TSPAN18: variants seen among roughly 807,000 people sequenced by gnomAD.
TSPAN18 encodes tetraspanin-18.
A neutral mutation model predicts 27.3 loss-of-function variants in TSPAN18; 14 were observed. That is an observed-to-expected ratio of 0.51 (90% CI 0.34 to 0.80). The LOEUF is 0.80. Ranked by LOEUF, TSPAN18 falls within the 30% of genes least tolerant of loss-of-function variation. The pLI is 0.01. For missense variants in TSPAN18, 268 were observed against 323.9 expected, an observed-to-expected ratio of 0.83 and a Z score of 1.32; for synonymous variants, 143 against 136.5, an observed-to-expected ratio of 1.05 and a Z score of -0.33.
intron 2 of TSPAN18, among the ~76,000 whole-genome samples, chr11:44,780,678 G>A (rs1325349238): frequency 1.3e-5 from 2 of 152,202 alleles, no homozygotes; most frequent in African/African-American, 4.8e-5. Flanking sequence ...AATCCAGTCT[G>A]TGTCTGGAAT....
intron 3 of TSPAN18, among the ~76,000 whole-genome samples, chr11:44,891,736 G>A (rs897120916): frequency 3.3e-5 from 5 of 152,192 alleles, no homozygotes; most frequent in Non-Finnish European, 7.4e-5. Context: ...AGCAGCCAGA[G>A]CAGGGCTATC....
chr11:44,811,947 G>A (rs568900025), intron 2 of TSPAN18, among the ~76,000 whole-genome samples: 1 of 152,328 alleles, frequency 6.6e-6, no homozygotes, highest in East Asian at 1.9e-4. Context: ...CATTCCCCGG[G>A]ATGACAGCTG....
intron 3 of TSPAN18, among the ~76,000 whole-genome samples, chr11:44,866,859 A>G (rs1397100910): frequency 6.6e-6 from 1 of 152,238 alleles, no homozygotes. Flanking sequence ...ATAGGACCCA[A>G]AGACTTGGCC....
intron 3 of TSPAN18, chr11:44,886,365 G>A (rs534165347): frequency 5.9e-5 from 9 of 152,344 alleles, no homozygotes; most frequent in African/African-American, 1.9e-4. Context: ...AAGGAGCTGT[G>A]AAATCAGCAG....
chr11:44,798,319 C>A (rs1354180147), intron 2 of TSPAN18, among the ~76,000 whole-genome samples: 1 of 152,242 alleles, frequency 6.6e-6, no homozygotes, highest in African/African-American at 2.4e-5. Context: ...AGGCTCACAG[C>A]AGCCCTGTGA....
chr11:44,887,472 TG>T (rs1458900246), intron 3 of TSPAN18, among the ~76,000 whole-genome samples: 1 of 152,184 alleles, frequency 6.6e-6, no homozygotes, highest in Admixed American at 6.5e-5. Flanking sequence ...AGCTGTCAAC[TG>T]GGAATAATAA....
chr11:44,762,987 A>G (rs531285620), intron 1 of TSPAN18, among the ~76,000 whole-genome samples: 12 of 152,276 alleles, frequency 7.9e-5, no homozygotes, highest in African/African-American at 2.2e-4. Context: ...TGGCACTAGC[A>G]CCGGGCTTGA....
intron 8 of TSPAN18, among the ~76,000 whole-genome samples, chr11:44,923,717 C>T (rs1408630224): frequency 6.6e-6 from 1 of 152,168 alleles, no homozygotes; most frequent in African/African-American, 2.4e-5. Flanking sequence ...AAGACCCCTC[C>T]TCCCCGAGGG....
At chr11:44,906,372 C>T in intron 3 of TSPAN18, 35 bp from the exon 4 acceptor site, 1 of 1,608,734 alleles carries the variant, frequency 6.2e-7, no homozygotes, top group South Asian at 1.1e-5. Flanking sequence ...GTGGGGTCCC[C>T]CATCGGGAAG....
intron 2 of TSPAN18, among the ~76,000 whole-genome samples, 163 bp from the exon 3 acceptor site, chr11:44,860,165 C>T (rs1857839872): frequency 6.6e-6 from 1 of 152,176 alleles, no homozygotes; most frequent in South Asian, 2.1e-4. Flanking sequence ...CTATTTCAGT[C>T]GGATCTAGAT....
chr11:44,876,829 A>G (rs1332649279), intron 3 of TSPAN18, among the ~76,000 whole-genome samples: 1 of 152,138 alleles, frequency 6.6e-6, no homozygotes, highest in East Asian at 1.9e-4. Context: ...AAGCTCCCTG[A>G]TATATGGAGA....
intron 2 of TSPAN18, among the ~76,000 whole-genome samples, chr11:44,793,025 G>A (rs935995307): frequency 6.6e-6 from 1 of 152,180 alleles, no homozygotes; most frequent in Non-Finnish European, 1.5e-5. Flanking sequence ...GAGGGAGCTG[G>A]GAAAATGGGA....
chr11:44,739,015 C>G (rs1854866484), intron 1 of TSPAN18, among the ~76,000 whole-genome samples: 1 of 152,182 alleles, frequency 6.6e-6, no homozygotes, highest in African/African-American at 2.4e-5. Context: ...TCCTCACAGT[C>G]TTCCCTTTTT....
At chr11:44,918,193 C>A in intron 6 of TSPAN18, 147 bp downstream of exon 6, 1 of 823,206 alleles carries the variant, frequency 1.2e-6, no homozygotes, top group Non-Finnish European at 1.9e-6. Flanking sequence ...TGGCCCCACC[C>A]GCCTGGCAAG....
chr11:44,903,845 G>A lies in TSPAN18; in HGVS notation c.-10-2562G>A, dbSNP rs776757872. On this transcript the variant is annotated intron_variant, in intron 3 of 9. Coordinates refer to ENST00000520358, the MANE Select transcript of TSPAN18 (RefSeq NM_130783.5). Reference sequence around the variant, plus strand: ...CTTGGCTTCACCACTCACTAGCTGTGACCTCAGACAAGTCACCTCGCCTCT... The same window carrying A: ...CTTGGCTTCACCACTCACTAGCTGTAACCTCAGACAAGTCACCTCGCCTCT... 6 of 456,504 alleles carry A rather than the reference G, an allele frequency of 1.3e-5. No individual in the cohort carries two copies. The Admixed American group carries it at 1.4e-4, about 11-fold the overall frequency. The allele number at this position is 456,504 out of a possible 1,614,324, so 28.3% of individuals were successfully genotyped here.
chr11:44,742,285 T>G lies in TSPAN18; in HGVS notation c.-240+14998T>G, dbSNP rs561559671. ...TTCCCTTCCCTTTTTCCCTTCCTTC[T>G]TTCTTCCCTCCCTCCCTCCCTCCCT... On this transcript the variant is annotated intron_variant, in intron 1 of 9. Coordinates refer to ENST00000520358, the MANE Select transcript of TSPAN18 (RefSeq NM_130783.5). 4.6e-5 allele frequency among the ~76,000 whole-genome samples: 6 copies of G among 129,092 alleles called. No individual in the cohort carries two copies. The East Asian group carries it at 1.8e-3, about 40-fold the overall frequency. 84.7% of individuals were successfully genotyped at this position (129,092 alleles called of 152,430 possible).
intron 9 of TSPAN18, 51 bp downstream of exon 9, chr11:44,926,808 G>C: frequency 2.5e-6 from 4 of 1,590,776 alleles, no homozygotes; most frequent in Non-Finnish European, 3.5e-6. Flanking sequence ...GCCTCACGTG[G>C]AGCCTAGGCA....
At chr11:44,764,073 A>G (rs926679256) in intron 1 of TSPAN18, among the ~76,000 whole-genome samples, 7 of 152,098 alleles carry the variant, frequency 4.6e-5, no homozygotes, top group African/African-American at 9.7e-5. Context: ...GGTGCTACAC[A>G]CTTTTAAACA....
chr11:44,834,692 C>T (rs1857228507), intron 2 of TSPAN18, among the ~76,000 whole-genome samples: 1 of 102,814 alleles, frequency 9.7e-6, no homozygotes, highest in African/African-American at 2.7e-5. Flanking sequence ...TGTTGCTAAA[C>T]TTCTCTGACC....
Sources: gnomAD v4.1 joint callset for allele counts (sites outside exome capture counted in the v4.1 genomes callset) on GRCh38, gnomAD v4.1.1 for gene constraint, MANE v1.5 for transcripts, NCBI Gene and HGNC (gene_info 2026-07-23, HGNC 2026-07-21) for gene names.